MYO10: variants seen among roughly 807,000 people sequenced by gnomAD.
MYO10 encodes the protein unconventional myosin-X.
A neutral mutation model predicts 257.3 loss-of-function variants in MYO10; 133 were observed. That is an observed-to-expected ratio of 0.52 (90% confidence interval 0.45 to 0.60). The LOEUF (loss-of-function observed/expected upper bound fraction) is 0.60, where lower values mean the gene tolerates loss of function less well. Among genes scored for constraint, MYO10 ranks in the 20% least tolerant of loss-of-function variants. MYO10 has a pLI of 0.00. For missense variants in MYO10, 2,399 were observed against 2,635.7 expected, an observed-to-expected ratio of 0.91 and a Z score of 1.97; for synonymous variants, 1,104 against 1,028.6, an observed-to-expected ratio of 1.07 and a Z score of -1.40.
intron 3 of MYO10, among the ~76,000 whole-genome samples, chr5:16,798,564 T>C (rs2126685141): frequency 6.6e-6 from 1 of 152,268 alleles, no homozygotes; most frequent in East Asian, 1.9e-4. Context: ...AGTGCCTCCT[T>C]CTATCTAACA....
At chr5:16,800,043 G>A (rs1227409120) in intron 3 of MYO10, among the ~76,000 whole-genome samples, 4 of 152,154 alleles carry the variant, frequency 2.6e-5, no homozygotes, top group Admixed American at 6.6e-5. Context: ...AAAAGCACAC[G>A]GTTCGAGAGT....
chr5:16,863,010 T>C (rs746016968), intron 2 of MYO10, among the ~76,000 whole-genome samples: 2 of 152,096 alleles, frequency 1.3e-5, no homozygotes, highest in Non-Finnish European at 2.9e-5. Flanking sequence ...AGAGGCATGC[T>C]TGAGTCCAGA....
At chr5:16,877,580 G>A (rs771032585) in intron 2 of MYO10, 29 bp downstream of exon 2, 2 of 1,562,944 alleles carry the variant, frequency 1.3e-6, no homozygotes, top group Non-Finnish European at 1.8e-6. Context: ...GACCATGGAT[G>A]TTGGGAAGCT....
At chr5:16,867,050 G>A (rs1744273005) in intron 2 of MYO10, among the ~76,000 whole-genome samples, 1 of 152,252 alleles carries the variant, frequency 6.6e-6, no homozygotes, top group Admixed American at 6.5e-5. Context: ...CCGTGCTCCT[G>A]CGCACCCGGG....
At chr5:16,880,440 T>C (rs775638239) in intron 1 of MYO10, among the ~76,000 whole-genome samples, 4 of 151,790 alleles carry the variant, frequency 2.6e-5, no homozygotes, top group African/African-American at 9.7e-5. Context: ...GTATCCCCTA[T>C]TGTGACCTTA....
At chr5:16,680,240 C>T in intron 32 of MYO10, 136 bp from the exon 33 acceptor site, 1 of 1,058,962 alleles carries the variant, frequency 9.4e-7, no homozygotes, top group Non-Finnish European at 1.3e-6. Flanking sequence ...TACATGTGTC[C>T]TGTCCTGCCC....
intron 19 of MYO10, among the ~76,000 whole-genome samples, chr5:16,744,810 A>G (rs1465013748): frequency 6.6e-6 from 1 of 152,196 alleles, no homozygotes; most frequent in East Asian, 1.9e-4. Flanking sequence ...CTAATCGCCC[A>G]CAAGAGCTTT....
chr5:16,847,524 G>A (rs183663490), intron 2 of MYO10, among the ~76,000 whole-genome samples: 15 of 152,220 alleles, frequency 9.9e-5, no homozygotes, highest in African/African-American at 3.4e-4. Flanking sequence ...CTAGGCCCCA[G>A]GCACTGGAGA....
intron 1 of MYO10, among the ~76,000 whole-genome samples, chr5:16,915,772 A>G (rs1204816164): frequency 6.6e-6 from 1 of 152,176 alleles, no homozygotes; most frequent in Non-Finnish European, 1.5e-5. Context: ...CCTGGCCAAC[A>G]TGGCAAAACC....
At chr5:16,884,721 T>C (rs1744847518) in intron 1 of MYO10, among the ~76,000 whole-genome samples, 1 of 152,020 alleles carries the variant, frequency 6.6e-6, no homozygotes, top group Admixed American at 6.6e-5. Context: ...ATGCTTTTTT[T>C]TTCTGATTCT....
intron 3 of MYO10, among the ~76,000 whole-genome samples, chr5:16,807,924 A>T (rs1030748936): frequency 6.6e-6 from 1 of 152,036 alleles, no homozygotes; most frequent in African/African-American, 2.4e-5. Context: ...TCACTAATCA[A>T]TTAGGGACCT....
In MYO10 at chr5:16,701,535, C is replaced by T. The variant is rs969429217; in HGVS notation, c.2860G>A (p.Val954Ile). Residue 954 changes from valine (V) to isoleucine (I), a missense_variant, in exon 25 of 41, where the codon GTC (valine) becomes ATC (isoleucine). By Grantham distance (29) the Val-to-Ile change is conservative. Around this residue, in one of 3 missense-constraint regions of MYO10, gnomAD observed 1,820 missense variants for 1,939.4 expected, o/e 0.94. Transcript: ENST00000513610. The surrounding 1 kb of genome is among the most constrained non-coding windows in gnomAD (Gnocchi z 8.1). ...GACAGGGACCGCTCGATATTCCGGA[C>T]ACACTCGTCGATCTCGTCGAAATTG... ...SLNFDEIDECVRNIERSLSVG... is the reference protein window; with the variant it reads ...SLNFDEIDECIRNIERSLSVG... The T allele has an allele frequency of 1.2e-6, 2 of 1,613,992 alleles. No homozygotes were observed. The highest frequency in any genetic ancestry group is 4.5e-5 in the East Asian group (2 of 44,862).
chr5:16,743,409 G>A (rs765268809), intron 19 of MYO10, among the ~76,000 whole-genome samples: 4 of 152,088 alleles, frequency 2.6e-5, no homozygotes, highest in Admixed American at 6.6e-5. Context: ...TTGGGAGGCC[G>A]AGGTGAGTGG....
At chr5:16,911,852 AC>A (rs1168919492) in intron 1 of MYO10, among the ~76,000 whole-genome samples, 4 of 152,078 alleles carry the variant, frequency 2.6e-5, no homozygotes, top group African/African-American at 9.7e-5. Flanking sequence ...AGCCTGGCCA[AC>A]ATGGTGAAAC....
intron 19 of MYO10, among the ~76,000 whole-genome samples, chr5:16,740,637 G>A (rs555050330): frequency 1.3e-5 from 2 of 152,194 alleles, no homozygotes; most frequent in South Asian, 4.2e-4. Context: ...CAGCCACCGA[G>A]GCATTCAGCA....
At chr5:16,695,688 C>T (rs1403732012) in intron 26 of MYO10, among the ~76,000 whole-genome samples, 2 of 152,016 alleles carry the variant, frequency 1.3e-5, no homozygotes, top group Admixed American at 1.3e-4. Context: ...ATCTGACACA[C>T]ATCTGTTATT....
intron 9 of MYO10, among the ~76,000 whole-genome samples, chr5:16,776,434 T>C (rs1741214512): frequency 6.6e-6 from 1 of 152,228 alleles, no homozygotes; most frequent in Admixed American, 6.6e-5. Context: ...TTTTCATTGA[T>C]ACACCTGCTA....
chr5:16,666,822 G>C (rs1736193815), intron 40 of MYO10, 29 bp from the exon 41 acceptor site: 1 of 1,545,226 alleles, frequency 6.5e-7, no homozygotes, highest in Non-Finnish European at 8.8e-7. Flanking sequence ...AACCGACACA[G>C]CGTCACAAGT....
intron 1 of MYO10, among the ~76,000 whole-genome samples, chr5:16,932,077 G>A (rs1426143867): frequency 6.6e-6 from 1 of 152,196 alleles, no homozygotes; most frequent in Non-Finnish European, 1.5e-5. Context: ...AATGAAGTCT[G>A]CTCTAATCCA....
Sources: allele counts gnomAD v4.1 joint callset (sites outside exome capture counted in the v4.1 genomes callset), GRCh38; gene constraint gnomAD v4.1.1; regional missense constraint gnomAD v4.1.1; non-coding constraint Gnocchi (gnomAD v3.1); transcripts MANE v1.5; gene names NCBI Gene and HGNC (gene_info 2026-07-23, HGNC 2026-07-21).